GTPBP4: variants seen among roughly 807,000 people sequenced by gnomAD.
GTPBP4 encodes the protein GTP-binding protein 4.
A neutral mutation model predicts 81.7 loss-of-function variants in GTPBP4; 15 were observed. The observed-to-expected ratio is 0.18, with a 90% CI of 0.12 to 0.28. The LOEUF is 0.28. Ranked by LOEUF, GTPBP4 falls within the 10% of genes least tolerant of loss-of-function variation. The pLI is 1.00. For missense variants in GTPBP4, 847 were observed against 793.8 expected (o/e 1.07, Z -0.81); for synonymous variants, 272 against 274.6 (o/e 0.99, Z 0.09).
chr10:1,005,541 T>G (rs1460419491), intron 8 of GTPBP4, among the ~76,000 whole-genome samples: 1 of 152,214 alleles, frequency 6.6e-6, no homozygotes, highest in Non-Finnish European at 1.5e-5. Flanking sequence ...TCCCCCTCAG[T>G]TATTAACATG....
chr10:996,366 G>C (rs1831538482), intron 4 of GTPBP4, 124 bp downstream of exon 4: 5 of 735,824 alleles, frequency 6.8e-6, no homozygotes, highest in Non-Finnish European at 6.4e-6. Context: ...ATTCTTCCTA[G>C]CTTTACCTAT....
intron 6 of GTPBP4, 135 bp from the exon 7 acceptor site, chr10:1,000,540 CTT>C (rs74260825): frequency 8.9e-3 from 3,475 of 390,220 alleles, no homozygotes; most frequent in Middle Eastern, 0.012. Flanking sequence ...CCCAGCCCTA[CTT>C]TTTTTTTTTT....
chr10:992,717 G>A, intron 2 of GTPBP4, 58 bp downstream of exon 2: 1 of 1,009,010 alleles, frequency 9.9e-7, no homozygotes, highest in Non-Finnish European at 1.5e-6. Flanking sequence ...GAGAACCAGT[G>A]TTTAACCAGT....
chr10:988,560 C>T, intron 1 of GTPBP4, 33 bp downstream of exon 1: 1 of 1,556,810 alleles, frequency 6.4e-7, no homozygotes, highest in Non-Finnish European at 8.9e-7. Flanking sequence ...CTGCAACTTT[C>T]GCGTTCTCCT....
At chr10:1,014,383 G>C (rs539882693) in intron 15 of GTPBP4, 71 bp downstream of exon 15, 182 of 1,134,240 alleles carry the variant, frequency 1.6e-4, no homozygotes, top group African/African-American at 1.2e-3. Flanking sequence ...CTGGCCGGGC[G>C]TGGTGGCTCA....
intron 9 of GTPBP4, 26 bp from the exon 10 acceptor site, chr10:1,006,992 C>T: frequency 1.4e-6 from 2 of 1,417,428 alleles, no homozygotes; most frequent in African/African-American, 1.4e-5. Flanking sequence ...GCGTTTGTGA[C>T]TGTGCCTTCT....
intron 8 of GTPBP4, among the ~76,000 whole-genome samples, chr10:1,004,338 C>T (rs1831687934): frequency 6.6e-6 from 1 of 152,062 alleles, no homozygotes; most frequent in African/African-American, 2.4e-5. Context: ...AGTGGTGACT[C>T]TGCAGCTCAG....
intron 16 of GTPBP4, among the ~76,000 whole-genome samples, chr10:1,016,443 G>C (rs1831994806): frequency 6.6e-6 from 1 of 152,232 alleles, no homozygotes; most frequent in Non-Finnish European, 1.5e-5. Context: ...ACAACTTTTA[G>C]TTTCAGCGTT....
intron 11 of GTPBP4, among the ~76,000 whole-genome samples, chr10:1,009,305 G>A (rs369845202): frequency 2.0e-5 from 3 of 152,124 alleles, no homozygotes; most frequent in African/African-American, 4.8e-5. Context: ...CCTAAAGGCC[G>A]GCCCCACAGA....
At chr10:996,279 C>G (rs1272185063) in intron 4 of GTPBP4, 37 bp downstream of exon 4, 6 of 1,577,232 alleles carry the variant, frequency 3.8e-6, no homozygotes, top group Admixed American at 1.8e-5. Flanking sequence ...GTGCTAGCAT[C>G]CTGCTGAGAG....
rs144266769 is a variant in GTPBP4 at position 992,697 on chromosome 10, C to T, written c.219+38C>T. 627 of 1,316,320 alleles carry T rather than the reference C, an allele frequency of 4.8e-4. 12 individuals are homozygous for T. In the East Asian group the frequency reaches 0.013, roughly 28 times the overall value. 81.5% of individuals were successfully genotyped at this position (1,316,320 alleles called of 1,614,324 possible). On this transcript the variant is annotated intron_variant, in intron 2 of 16. Transcript: ENST00000360803. ...GGGGACTTCTGTGGTTATGTAAATA[C>T]GGGCTTTCAGAGAACCAGTGTTTAA... is the stretch of plus-strand genomic sequence containing the variant.
chr10:992,847 G>T (rs980705173), intron 2 of GTPBP4, among the ~76,000 whole-genome samples, 188 bp downstream of exon 2: 3 of 152,176 alleles, frequency 2.0e-5, no homozygotes, highest in African/African-American at 4.8e-5. Context: ...TGGGTTTTTT[G>T]ATTCCCTAGT....
At chr10:993,811 C>T (rs1414441511) in intron 2 of GTPBP4, among the ~76,000 whole-genome samples, 1 of 150,978 alleles carries the variant, frequency 6.6e-6, no homozygotes, top group African/African-American at 2.4e-5. Flanking sequence ...TTTTTTTAAG[C>T]CAGAGTATCA....
At chr10:991,984 C>T (rs1353159677) in intron 1 of GTPBP4, among the ~76,000 whole-genome samples, 4 of 150,868 alleles carry the variant, frequency 2.7e-5, no homozygotes, top group East Asian at 2.0e-4. Context: ...CGTGAGCCAC[C>T]GCGCCCGGCC....
intron 15 of GTPBP4, among the ~76,000 whole-genome samples, chr10:1,014,640 CAG>C (rs1246373275): frequency 2.0e-5 from 3 of 152,132 alleles, no homozygotes; most frequent in Non-Finnish European, 4.4e-5. Flanking sequence ...GCCTGGGCGA[CAG>C]AGTGAGACTC....
intron 2 of GTPBP4, among the ~76,000 whole-genome samples, chr10:994,730 A>G (rs1281710725): frequency 6.6e-6 from 1 of 152,192 alleles, no homozygotes; most frequent in Non-Finnish European, 1.5e-5. Context: ...GGAGAGTTCA[A>G]ATGTATTAAC....
At chr10:996,379 G>C (rs1831538639) in intron 4 of GTPBP4, 137 bp downstream of exon 4, 1 of 633,066 alleles carries the variant, frequency 1.6e-6, no homozygotes, top group Admixed American at 3.4e-5. Context: ...TTACCTATGA[G>C]AAACAGTAAT....
In GTPBP4 at chr10:997,688, T is replaced by G. The variant is rs79018089; in HGVS notation, c.561+380T>G. On this transcript the variant is annotated intron_variant, in intron 5 of 16. Coordinates refer to ENST00000360803, the MANE Select transcript of GTPBP4 (RefSeq NM_012341.3). ...ACAACTGGGGAGGTTTTCTTGGGTGTTGTTGGCCTGTCCTGGAGTGGCTAT... is the reference window on the plus strand; with the variant it reads ...ACAACTGGGGAGGTTTTCTTGGGTGGTGTTGGCCTGTCCTGGAGTGGCTAT... 6.1e-3 allele frequency among the ~76,000 whole-genome samples: 922 copies of G among 152,356 alleles called. 3 individuals are homozygous for G. Among genetic ancestry groups the G allele is most frequent in the Non-Finnish European group, 0.01 (688 of 68,034 alleles).
intron 8 of GTPBP4, among the ~76,000 whole-genome samples, chr10:1,005,300 C>T (rs1831707676): frequency 6.6e-6 from 1 of 152,184 alleles, no homozygotes; most frequent in Non-Finnish European, 1.5e-5. Context: ...CGGCCGCCAC[C>T]ACGCCTGGCT....
Sources: allele counts gnomAD v4.1 joint callset (sites outside exome capture counted in the v4.1 genomes callset), GRCh38; gene constraint gnomAD v4.1.1; transcripts MANE v1.5; gene names NCBI Gene and HGNC (gene_info 2026-07-23, HGNC 2026-07-21).